Variants in CCDC102B observed in about 807,000 individuals in gnomAD.
The protein encoded by CCDC102B is coiled-coil domain containing 102B.
A neutral mutation model predicts 57.4 loss-of-function variants in CCDC102B; 75 were observed. That is an observed-to-expected ratio of 1.31 (90% confidence interval 1.08 to 1.58). The LOEUF (loss-of-function observed/expected upper bound fraction) is 1.58, where lower values mean the gene tolerates loss of function less well. Among genes scored for constraint, CCDC102B ranks in the 40% most tolerant of loss-of-function variants. CCDC102B has a pLI of 0.00. For synonymous variants in CCDC102B, 206 were observed against 201.9 expected, an observed-to-expected ratio of 1.02 and a Z score of -0.17; for missense variants, 636 against 582.6, an observed-to-expected ratio of 1.09 and a Z score of -0.94.
chr18:68,954,896 C>G (rs2049799286), intron 6 of CCDC102B, among the ~76,000 whole-genome samples: 1 of 152,164 alleles, frequency 6.6e-6, no homozygotes, highest in Admixed American at 6.5e-5. Flanking sequence ...CATCATAACC[C>G]TTGAGTACAA....
chr18:69,030,611 C>T (rs773955282), intron 7 of CCDC102B, among the ~76,000 whole-genome samples: 2 of 152,216 alleles, frequency 1.3e-5, no homozygotes, highest in Non-Finnish European at 2.9e-5. Context: ...TTATAGGTTA[C>T]GTATTCAAAT....
At chr18:68,731,145 C>T (rs966314981) in intron 2 of CCDC102B, among the ~76,000 whole-genome samples, 5 of 151,984 alleles carry the variant, frequency 3.3e-5, no homozygotes, top group African/African-American at 1.2e-4. Context: ...CGCCACCACC[C>T]CGGCTAATTT....
At chr18:68,866,691 T>G (rs1481509856) in intron 4 of CCDC102B, 1 of 473,320 alleles carries the variant, frequency 2.1e-6, no homozygotes, top group Non-Finnish European at 4.1e-6. Context: ...TAGCACTGTC[T>G]ACAGTTTGGC....
At chr18:68,767,976 A>C (rs544275098) in intron 2 of CCDC102B, among the ~76,000 whole-genome samples, 2 of 152,280 alleles carry the variant, frequency 1.3e-5, no homozygotes, top group East Asian at 3.9e-4. Context: ...AAATGATAGT[A>C]GTTGAAACAT....
At chr18:69,025,310 G>A in intron 7 of CCDC102B, among the ~76,000 whole-genome samples, 1 of 152,146 alleles carries the variant, frequency 6.6e-6, no homozygotes, top group East Asian at 1.9e-4. Context: ...ACTTTAAAAA[G>A]CAAAAGGATG....
At chr18:68,900,910 C>T (rs1239591711) in intron 6 of CCDC102B, among the ~76,000 whole-genome samples, 1 of 152,152 alleles carries the variant, frequency 6.6e-6, no homozygotes, top group Non-Finnish European at 1.5e-5. Flanking sequence ...GGATGCAAGA[C>T]CGGCTCTTCC....
intron 2 of CCDC102B, among the ~76,000 whole-genome samples, chr18:68,783,062 G>A (rs1315540318): frequency 6.6e-6 from 1 of 152,046 alleles, no homozygotes; most frequent in African/African-American, 2.4e-5. Context: ...ACAACTTACT[G>A]GCCTCGTTTT....
At chr18:68,770,694 T>G (rs1164828972) in intron 2 of CCDC102B, among the ~76,000 whole-genome samples, 1 of 152,248 alleles carries the variant, frequency 6.6e-6, no homozygotes, top group Non-Finnish European at 1.5e-5. Flanking sequence ...AAGTGATTTA[T>G]TCCTGTGTAC....
At chr18:68,735,167 T>A (rs1284696555) in intron 2 of CCDC102B, among the ~76,000 whole-genome samples, 1 of 152,118 alleles carries the variant, frequency 6.6e-6, no homozygotes, top group Non-Finnish European at 1.5e-5. Context: ...TTCTCCTGCC[T>A]CAGCCTCCTG....
intron 6 of CCDC102B, among the ~76,000 whole-genome samples, chr18:68,976,124 T>C (rs1272863829): frequency 6.6e-6 from 1 of 152,008 alleles, no homozygotes; most frequent in African/African-American, 2.4e-5. Flanking sequence ...ATGTAAAATA[T>C]CTTGTGTGGG....
chr18:69,020,542 G>A (rs2051802903), intron 7 of CCDC102B, among the ~76,000 whole-genome samples: 1 of 152,058 alleles, frequency 6.6e-6, no homozygotes, highest in Admixed American at 6.6e-5. Flanking sequence ...GTTGTGGGTG[G>A]GTATTGTGCA....
chr18:68,838,676 T>G, intron 2 of CCDC102B, 30 bp from the exon 3 acceptor site: 1 of 1,600,750 alleles, frequency 6.2e-7, no homozygotes, highest in Non-Finnish European at 8.5e-7. Context: ...CCAGGAGGTT[T>G]AAATATGTTT....
chr18:69,007,975 T>A (rs1030936268), intron 6 of CCDC102B, among the ~76,000 whole-genome samples: 2 of 152,224 alleles, frequency 1.3e-5, no homozygotes, highest in African/African-American at 4.8e-5. Flanking sequence ...ATACACCTAA[T>A]GACAAAGCAT....
Position 68,953,379 on chromosome 18 carries a change from A to G in CCDC102B, c.1263+55951A>G, listed in dbSNP as rs2049755077. Among the ~76,000 whole-genome samples the G allele has an allele frequency of 2.1e-5, 3 of 145,000 alleles. No individual in the cohort carries two copies. In the Admixed American group the frequency reaches 2.1e-4, roughly 10 times the overall value. Reference sequence around the variant, plus strand: ...TCTTTTTTTTTTTTTTTTTTTGACAACAGCGGTCCTTACAAGTATGAGGTG... The same window carrying G: ...TCTTTTTTTTTTTTTTTTTTTGACAGCAGCGGTCCTTACAAGTATGAGGTG... On this transcript the variant is annotated intron_variant, in intron 6 of 7. Coordinates refer to ENST00000360242, the MANE Select transcript of CCDC102B (RefSeq NM_024781.3).
intron 4 of CCDC102B, among the ~76,000 whole-genome samples, chr18:68,873,402 T>C (rs751698802): frequency 7.9e-5 from 12 of 152,172 alleles, no homozygotes; most frequent in Non-Finnish European, 1.2e-4. Context: ...TATCAGTTTA[T>C]TGCCTTTTAG....
At chr18:69,010,046 C>T (rs1480659488) in intron 6 of CCDC102B, among the ~76,000 whole-genome samples, 1 of 144,680 alleles carries the variant, frequency 6.9e-6, no homozygotes, top group East Asian at 2.0e-4. Context: ...ATTTTCCTGC[C>T]TCAGTCTCTG....
upstream of CCDC102B, among the ~76,000 whole-genome samples, chr18:68,795,199 G>A (rs1453896948): frequency 1.3e-5 from 2 of 152,052 alleles, no homozygotes; most frequent in African/African-American, 2.4e-5. Context: ...TTGAGAGACT[G>A]GATGGGGCTA....
At chr18:68,818,155 GTAGC>G (rs10550216) in intron 1 of CCDC102B, among the ~76,000 whole-genome samples, 65,286 of 151,576 alleles carry the variant, frequency 0.43, 15,317 homozygotes, top group East Asian at 0.86. Context: ...CCTTTCCAGT[GTAGC>G]TAGCTGACTG....
At chr18:68,936,766 CACATA>C (rs2049250550) in intron 6 of CCDC102B, among the ~76,000 whole-genome samples, 1 of 38,944 alleles carries the variant, frequency 2.6e-5, no homozygotes, top group African/African-American at 3.7e-5. Context: ...TATATATACA[CACATA>C]CATACATACA....
Sources: gnomAD v4.1 joint callset for allele counts (sites outside exome capture counted in the v4.1 genomes callset) on GRCh38, gnomAD v4.1.1 for gene constraint, MANE v1.5 for transcripts, NCBI Gene and HGNC (gene_info 2026-07-23, HGNC 2026-07-21) for gene names.